Variants in ASCC2 observed in about 807,000 individuals in gnomAD.
The protein encoded by ASCC2 is activating signal cointegrator 1 complex subunit 2.
A neutral mutation model predicts 93.5 loss-of-function variants in ASCC2; 42 were observed. That is an observed-to-expected ratio of 0.45 (90% CI 0.35 to 0.58). The LOEUF is 0.58. Among genes scored for constraint, ASCC2 ranks in the 20% least tolerant of loss-of-function variants. ASCC2 has a pLI of 0.00. For synonymous variants in ASCC2, 364 were observed against 384.2 expected (o/e 0.95, Z 0.62); for missense variants, 859 against 977.6 (o/e 0.88, Z 1.62).
chr22:29,815,372 T>C (rs1433283192), intron 6 of ASCC2: 1 of 152,862 alleles, frequency 6.5e-6, no homozygotes, highest in East Asian at 1.9e-4. Context: ...GCAAGTATAA[T>C]GAACATTTAA....
intron 18 of ASCC2, among the ~76,000 whole-genome samples, chr22:29,791,428 C>T (rs372890866): frequency 1.3e-5 from 2 of 152,076 alleles, no homozygotes; most frequent in East Asian, 3.8e-4. Flanking sequence ...GCCTGTAATC[C>T]CAGCACTTTG....
At chr22:29,827,974 CA>C (rs2062666260) in intron 2 of ASCC2, among the ~76,000 whole-genome samples, 2 of 151,632 alleles carry the variant, frequency 1.3e-5, no homozygotes, top group African/African-American at 2.4e-5. Context: ...CACACACACA[CA>C]CACACCCCTG....
Position 29,825,778 on chromosome 22 carries a change from G to A in ASCC2, c.84C>T (p.His28=), listed in dbSNP as rs1212801484. 5 of 1,604,672 alleles carry A rather than the reference G, an allele frequency of 3.1e-6. No individual in the cohort carries two copies. The highest frequency in any genetic ancestry group is 4.3e-6 in the Non-Finnish European group (5 of 1,172,922). ...TGKLRTSPAL[H]PEQKADRYFV... ...AATACCGGTCTGCCTTCTGCTCGGG[G>A]TGCTACGGATCCAAAAACCACGTGT... is the stretch of plus-strand genomic sequence containing the variant. The change falls in exon 3 of 20, where the codon CAC becomes CAT. Residue 28 remains histidine (H), a splice_region_variant and synonymous_variant. Transcript: ENST00000307790. The surrounding 1 kb of genome is among the most constrained non-coding windows in gnomAD (Gnocchi z 4.9).
At chr22:29,822,003 CTTTTT>C (rs752194371) in intron 5 of ASCC2, 3 of 394,908 alleles carry the variant, frequency 7.6e-6, no homozygotes, top group African/African-American at 2.3e-5. Context: ...TGTCTTTTTT[CTTTTT>C]TTTTGAGATG....
At chr22:29,818,477 C>CACACACACACACACAG (rs1569410952) in intron 5 of ASCC2, among the ~76,000 whole-genome samples, 1 of 86,360 alleles carries the variant, frequency 1.2e-5, no homozygotes, top group African/African-American at 4.1e-5. Context: ...CACACACACA[C>CACACACACACACACAG]AGTGAAGGGG....
At chr22:29,810,475 G>T (rs2060155727) in intron 8 of ASCC2, among the ~76,000 whole-genome samples, 1 of 152,170 alleles carries the variant, frequency 6.6e-6, no homozygotes, top group Admixed American at 6.5e-5. Context: ...GGCCAAAAGA[G>T]GCAGGCCCTA....
chr22:29,838,252 G>C lies in ASCC2; in HGVS notation c.-92C>G, dbSNP rs2064130675. 3 of 464,676 alleles carry C rather than the reference G, an allele frequency of 6.5e-6. No homozygotes were observed. Among genetic ancestry groups the C allele is most frequent in the Non-Finnish European group, 1.3e-5 (3 of 230,442 alleles). The allele number at this position is 464,676 out of a possible 1,614,324, so 28.8% of individuals were successfully genotyped here. On this transcript the variant is annotated 5_prime_UTR_variant, in exon 1 of 20. Coordinates refer to ENST00000307790, the MANE Select transcript of ASCC2 (RefSeq NM_032204.5). ...CGACCACGGTGACAGCTCCCTGAGC[G>C]CCCGCACTTCCGGGGTCAAACTGCG...
chr22:29,789,694 T>C (rs1176213495), intron 19 of ASCC2, among the ~76,000 whole-genome samples: 1 of 152,228 alleles, frequency 6.6e-6, no homozygotes, highest in African/African-American at 2.4e-5. Context: ...TCAGGGTTGC[T>C]CTGCTCCCTG....
At chr22:29,801,840 T>C (rs1215143346) in intron 14 of ASCC2, among the ~76,000 whole-genome samples, 154 bp downstream of exon 14, 1 of 151,866 alleles carries the variant, frequency 6.6e-6, no homozygotes, top group Non-Finnish European at 1.5e-5. Context: ...GGGCCTAAGG[T>C]TTTTATGTTT....
chr22:29,806,465 GC>G lies in ASCC2; in HGVS notation c.1085+19del, dbSNP rs759396288. 3.1e-6 allele frequency: 5 copies of G among 1,612,716 alleles called. No homozygotes were observed. The highest frequency in any genetic ancestry group is 3.4e-6 in the Non-Finnish European group (4 of 1,179,046). On this transcript the variant is annotated intron_variant, in intron 11 of 19. Coordinates refer to ENST00000307790, the MANE Select transcript of ASCC2 (RefSeq NM_032204.5). The stretch of plus-strand genomic sequence containing the variant: ...ACCTGTGGGAGGGTCATGGGCCCAG[GC>G]CAGCTCAGCCACACTCACCTCTTCT...
intron 15 of ASCC2, among the ~76,000 whole-genome samples, chr22:29,799,553 G>A (rs2058830180): frequency 6.6e-6 from 1 of 152,182 alleles, no homozygotes. Context: ...TCCTACCACA[G>A]GAACAAGGCT....
chr22:29,813,451 T>C lies in ASCC2; in HGVS notation c.812A>G (p.Gln271Arg), dbSNP rs377256409. The change falls in exon 8 of 20, where the codon CAG becomes CGG. Residue 271 changes from glutamine (Q) to arginine (R), a missense_variant. Transcript: ENST00000307790. Reference sequence around the variant, plus strand: ...TTACCTGTAACAAAAGTCGTGCTTCTGGAAGGTCTGGCAAGCCAAAGGGAA... The same window carrying C: ...TTACCTGTAACAAAAGTCGTGCTTCCGGAAGGTCTGGCAAGCCAAAGGGAA... ...DIFPLACQTF[Q>R]KHDFCYRLAS... 49 of 1,613,358 alleles carry C rather than the reference T, an allele frequency of 3.0e-5. No homozygotes were observed. Among genetic ancestry groups the C allele is most frequent in the Non-Finnish European group, 3.6e-5 (43 of 1,179,348 alleles).
rs2062182704 is a variant in ASCC2, at chr22:29,825,505, G to A, written c.240+117C>T. 7.0e-7 allele frequency: 1 copy of A among 1,419,714 alleles called. No homozygotes were observed. Among genetic ancestry groups the A allele is most frequent in the Non-Finnish European group, 9.8e-7 (1 of 1,015,336 alleles). 87.9% of individuals were successfully genotyped at this position (1,419,714 alleles called of 1,614,324 possible). The stretch of plus-strand genomic sequence containing the variant: ...ATCCGAACCACAATTTGCTGTTAAG[G>A]ATCCAGTGAAAGAAGTAGACAAAAA... On this transcript the variant is annotated intron_variant, in intron 3 of 19. Transcript: ENST00000307790. The surrounding 1 kb of genome is among the most constrained non-coding windows in gnomAD (Gnocchi z 4.9).
intron 8 of ASCC2, among the ~76,000 whole-genome samples, chr22:29,811,815 G>A (rs2060308500): frequency 6.6e-6 from 1 of 152,134 alleles, no homozygotes; most frequent in Non-Finnish European, 1.5e-5. Context: ...GCCACATTTG[G>A]GGAAACACTT....
At chr22:29,822,052 G>A in intron 5 of ASCC2, 1 of 379,046 alleles carries the variant, frequency 2.6e-6, no homozygotes, top group South Asian at 1.9e-5. Flanking sequence ...TGCAACTTCT[G>A]CCTCCCAGGT....
chr22:29,828,063 G>A (rs1302602534), intron 2 of ASCC2, among the ~76,000 whole-genome samples: 1 of 152,210 alleles, frequency 6.6e-6, no homozygotes, highest in African/African-American at 2.4e-5. Context: ...CAAAGGAAGT[G>A]ACAGCTCAAA....
chr22:29,806,650 T>C, intron 10 of ASCC2, 97 bp from the exon 11 acceptor site: 1 of 1,443,638 alleles, frequency 6.9e-7, no homozygotes, highest in Non-Finnish European at 9.6e-7. Context: ...TGGGGCCCAG[T>C]GGAGGAATGA....
rs1569388289 is a variant in ASCC2, at chr22:29,806,482, C to T, written c.1085+3G>A. ...GGGCCCAGGCCAGCTCAGCCACACT[C>T]ACCTCTTCTCCTGCAGCAAGGAGCT... On this transcript the variant is annotated splice_donor_region_variant and intron_variant, in intron 11 of 19. Coordinates refer to ENST00000307790, the MANE Select transcript of ASCC2 (RefSeq NM_032204.5). 1.9e-6 allele frequency: 3 copies of T among 1,613,872 alleles called. No homozygotes were observed. The highest frequency in any genetic ancestry group is 1.3e-5 in the African/African-American group (1 of 75,050).
chr22:29,824,786 C>CTGA (rs760449764), intron 4 of ASCC2, among the ~76,000 whole-genome samples: 1 of 151,992 alleles, frequency 6.6e-6, no homozygotes, highest in Non-Finnish European at 1.5e-5. Flanking sequence ...TACACAAGTT[C>CTGA]CTTTAAGAAG....
Sources: allele counts gnomAD v4.1 joint callset (sites outside exome capture counted in the v4.1 genomes callset), GRCh38; gene constraint gnomAD v4.1.1; non-coding constraint Gnocchi (gnomAD v3.1); transcripts MANE v1.5; gene names NCBI Gene and HGNC (gene_info 2026-07-23, HGNC 2026-07-21).